BRF1: variants seen among roughly 807,000 people sequenced by gnomAD.
BRF1 encodes the protein transcription factor IIIB 90 kDa subunit.
In BRF1, 59 loss-of-function variants were observed where a neutral mutation model predicts 81.7. The observed-to-expected ratio is 0.72, with a 90% CI of 0.59 to 0.90. The LOEUF (loss-of-function observed/expected upper bound fraction) is 0.90, where lower values mean the gene tolerates loss of function less well. Ranked by LOEUF, BRF1 falls within the 40% of genes least tolerant of loss-of-function variation. The probability of loss-of-function intolerance (pLI) is 0.00; values close to 1 mark genes in which losing one functional copy is unlikely to be tolerated. For synonymous variants in BRF1, 491 were observed against 395.6 expected (o/e 1.24, Z -2.86); for missense variants, 1,050 against 936.3 (o/e 1.12, Z -1.58).
chr14:105,312,342 T>C (rs2058370701), intron 1 of BRF1, among the ~76,000 whole-genome samples: 2 of 152,182 alleles, frequency 1.3e-5, no homozygotes, highest in African/African-American at 4.8e-5. Flanking sequence ...TAAATAATAA[T>C]AACTCCCACA....
At position 105,219,196 on chromosome 14, in the gene BRF1, C is replaced by T. The variant is rs750155382; in HGVS notation, c.1414G>A (p.Glu472Lys). The stretch of plus-strand genomic sequence containing the variant: ...TCGGCGTTCTCCCTCATCCACAGCT[C>T]GGCCTTCACGCGGGCTTCCGACTCA... The part of the protein sequence containing the change: ...LNESEARVKA[E>K]LWMRENAEYL... Residue 472 changes from glutamate to lysine, a missense_variant, in exon 13 of 18, where the codon GAG becomes AAG. Glu to Lys is a moderately conservative substitution (Grantham distance 56). Coordinates refer to ENST00000547530, the MANE Select transcript of BRF1 (RefSeq NM_001519.4). The T allele has an allele frequency of 3.6e-5, 58 of 1,612,572 alleles. No homozygotes were observed. Among genetic ancestry groups the T allele is most frequent in the Middle Eastern group, 1.6e-4 (1 of 6,082 alleles).
chr14:105,279,589 C>T (rs1301537805), intron 2 of BRF1, among the ~76,000 whole-genome samples: 1 of 152,202 alleles, frequency 6.6e-6, no homozygotes, highest in Non-Finnish European at 1.5e-5. Flanking sequence ...CTGGGACTCT[C>T]CTACACTGCT....
At chr14:105,298,211 AC>A (rs2057818963) in intron 1 of BRF1, among the ~76,000 whole-genome samples, 2 of 152,242 alleles carry the variant, frequency 1.3e-5, no homozygotes, top group African/African-American at 4.8e-5. Context: ...AGAATATGTG[AC>A]CTGCAGAGAT....
intron 1 of BRF1, among the ~76,000 whole-genome samples, chr14:105,310,533 C>CACAAA (rs2058325183): frequency 1.3e-5 from 1 of 79,742 alleles, no homozygotes; most frequent in Non-Finnish European, 2.3e-5. Flanking sequence ...GACTCTGTCT[C>CACAAA]AAAAAAAAAA....
rs587720741 is a variant in BRF1 at position 105,256,836 on chromosome 14, G to A, written c.440-287C>T. On this transcript the variant is annotated intron_variant, in intron 3 of 17. Coordinates refer to ENST00000547530, the MANE Select transcript of BRF1 (RefSeq NM_001519.4). ...AGCCGGGTCGGGGGAACCAGAAACG[G>A]TGGGGGCTTCCATCTGATCCTGGAG... Among the ~76,000 whole-genome samples the A allele has an allele frequency of 3.3e-5, 5 of 152,284 alleles. No individual in the cohort carries two copies. In the South Asian group the frequency reaches 1.0e-3, roughly 32 times the overall value.
rs760689660 is a variant in BRF1, at chr14:105,272,717, A to G, written c.439+4T>C. ...CTCTGGGAGGCTCTCAAACCAAAGG[A>G]TACGCGGCGTGCCCTCCGTACGGCA... is the stretch of plus-strand genomic sequence containing the variant. On this transcript the variant is annotated splice_donor_region_variant and intron_variant, in intron 3 of 17. Transcript: ENST00000547530. 1 of 1,602,178 alleles carries G rather than the reference A, an allele frequency of 6.2e-7. No individual in the cohort carries two copies. Among genetic ancestry groups the G allele is most frequent in the Non-Finnish European group, 8.5e-7 (1 of 1,171,008 alleles).
At chr14:105,263,707 C>T (rs761208950) in intron 3 of BRF1, among the ~76,000 whole-genome samples, 4 of 152,080 alleles carry the variant, frequency 2.6e-5, no homozygotes, top group African/African-American at 9.7e-5. Flanking sequence ...GGGCGGACCA[C>T]GAGGTCAGGA....
intron 2 of BRF1, among the ~76,000 whole-genome samples, chr14:105,285,775 C>T (rs375986300): frequency 3.3e-5 from 5 of 151,926 alleles, no homozygotes; most frequent in African/African-American, 1.2e-4. Flanking sequence ...ATAAATCACA[C>T]ATCCGATAAA....
At chr14:105,291,376 C>T (rs2057502795) in intron 1 of BRF1, among the ~76,000 whole-genome samples, 2 of 152,236 alleles carry the variant, frequency 1.3e-5, no homozygotes, top group Admixed American at 1.3e-4. Context: ...TATTCACGTG[C>T]TCATTCAACT....
chr14:105,216,036 C>A (rs921395021), intron 15 of BRF1, among the ~76,000 whole-genome samples: 6 of 150,304 alleles, frequency 4.0e-5, no homozygotes, highest in South Asian at 4.2e-4. Context: ...GACACAGGCA[C>A]ACACACTGCG....
intron 5 of BRF1, 80 bp from the exon 6 acceptor site, chr14:105,241,494 G>A: frequency 6.4e-7 from 1 of 1,569,286 alleles, no homozygotes; most frequent in Non-Finnish European, 8.6e-7. Context: ...CCCAGGGGTG[G>A]GGCAACCTGC....
At chr14:105,272,615 T>C in intron 3 of BRF1, 106 bp downstream of exon 3, 2 of 1,372,394 alleles carry the variant, frequency 1.5e-6, no homozygotes, top group South Asian at 3.0e-5. Flanking sequence ...GTTTTTCTAT[T>C]AAAGACAAAC....
chr14:105,228,162 G>C (rs587663107), intron 7 of BRF1: 1 of 152,364 alleles, frequency 6.6e-6, no homozygotes, highest in East Asian at 1.9e-4. Flanking sequence ...AGTCCAGGAC[G>C]GGCCACAGCA....
intron 5 of BRF1, chr14:105,241,804 A>G (rs2054678082): frequency 8.7e-6 from 2 of 229,914 alleles, no homozygotes; most frequent in South Asian, 6.5e-5. Context: ...TGGGTACACA[A>G]GTCGCCAGCC....
chr14:105,280,705 C>T (rs1480737461), intron 2 of BRF1, among the ~76,000 whole-genome samples: 2 of 151,960 alleles, frequency 1.3e-5, no homozygotes, highest in African/African-American at 2.4e-5. Context: ...GCTGCGTGAT[C>T]CTGAGTCCGG....
rs1229732314 is a variant in BRF1, at chr14:105,271,128, G to A, written c.439+1593C>T. ...CAGCCTGCTGGAAGCTAAAGTTCAG[G>A]TGCTGTCCCAAAGCAAAAAGATAGC... On this transcript the variant is annotated intron_variant, in intron 3 of 17. Coordinates refer to ENST00000547530, the MANE Select transcript of BRF1 (RefSeq NM_001519.4). This position sits in a 1 kb window ranked among gnomAD's most constrained non-coding sequence, Gnocchi z 5.5. 6.6e-6 allele frequency among the ~76,000 whole-genome samples: 1 copy of A among 152,224 alleles called. No individual in the cohort carries two copies. Among genetic ancestry groups the A allele is most frequent in the Non-Finnish European group, 1.5e-5 (1 of 68,038 alleles).
At chr14:105,283,429 C>A (rs2057192360) in intron 2 of BRF1, among the ~76,000 whole-genome samples, 1 of 152,174 alleles carries the variant, frequency 6.6e-6, no homozygotes, top group Admixed American at 6.5e-5. Flanking sequence ...TCCCCCAGAA[C>A]CACCCATCCC....
rs149997124 is a variant in BRF1, at chr14:105,292,259, C to T, written c.185-5883G>A. ...AGTGTAATGGCACGATCTTGGCTCACTGCAACCTCCACCTCCCGGGTTCAA... is the reference window on the plus strand; with the variant it reads ...AGTGTAATGGCACGATCTTGGCTCATTGCAACCTCCACCTCCCGGGTTCAA... On this transcript the variant is annotated intron_variant, in intron 1 of 17. Coordinates refer to ENST00000547530, the MANE Select transcript of BRF1 (RefSeq NM_001519.4). 2.6e-4 allele frequency among the ~76,000 whole-genome samples: 39 copies of T among 152,316 alleles called. No homozygotes were observed. The East Asian group carries it at 7.5e-3, about 29-fold the overall frequency.
intron 6 of BRF1, among the ~76,000 whole-genome samples, chr14:105,229,601 G>A (rs879729377): frequency 1.3e-5 from 2 of 152,232 alleles, no homozygotes; most frequent in African/African-American, 4.8e-5. Flanking sequence ...TGCGACCTGG[G>A]GGGTCACAGA....
Sources: allele counts gnomAD v4.1 joint callset (sites outside exome capture counted in the v4.1 genomes callset), GRCh38; gene constraint gnomAD v4.1.1; non-coding constraint Gnocchi (gnomAD v3.1); transcripts MANE v1.5; gene names NCBI Gene and HGNC (gene_info 2026-07-23, HGNC 2026-07-21).